The following DOCK9 variants were observed in gnomAD, a reference collection of about 807,000 sequenced individuals.
DOCK9 encodes the protein dedicator of cytokinesis 9, also known as dedicator of cytokinesis protein 9.
Under a neutral mutation model 263.3 loss-of-function variants are expected in DOCK9, and 89 were observed. The observed-to-expected ratio is 0.34, with a 90% CI of 0.28 to 0.40. DOCK9 has a LOEUF of 0.40. DOCK9 is among the 10% of genes least tolerant of loss of function. The pLI is 1.00. For synonymous variants in DOCK9, 976 were observed against 973.1 expected (o/e 1.00, Z -0.06); for missense variants, 2,140 against 2,603.4 (o/e 0.82, Z 3.87).
intron 3 of DOCK9, among the ~76,000 whole-genome samples, chr13:98,928,802 C>T (rs1402109227): frequency 2.0e-5 from 3 of 152,184 alleles, no homozygotes; most frequent in African/African-American, 7.2e-5. Context: ...TAGTTTGCCA[C>T]TACCTGCCTT....
At chr13:99,001,589 G>A (rs1297742604) in intron 1 of DOCK9, among the ~76,000 whole-genome samples, 1 of 152,220 alleles carries the variant, frequency 6.6e-6, no homozygotes, top group Non-Finnish European at 1.5e-5. Flanking sequence ...TCACACTAAG[G>A]TAACTCTTGG....
At chr13:98,800,206 C>A (rs2089948001) in intron 50 of DOCK9, 82 bp downstream of exon 50, 2 of 1,413,124 alleles carry the variant, frequency 1.4e-6, no homozygotes, top group African/African-American at 2.9e-5. Context: ...CTCAAGTAGA[C>A]CTTGTTAGTG....
chr13:99,067,182 T>G (rs751092161), intron 1 of DOCK9, among the ~76,000 whole-genome samples: 2 of 152,176 alleles, frequency 1.3e-5, no homozygotes, highest in Admixed American at 1.3e-4. Context: ...CACTCCAGAT[T>G]CCATGCTCCT....
At chr13:98,989,344 A>G (rs1285003732) in intron 1 of DOCK9, among the ~76,000 whole-genome samples, 1 of 114,342 alleles carries the variant, frequency 8.7e-6, no homozygotes, top group Non-Finnish European at 1.9e-5. Context: ...GATGATGATG[A>G]TGATAATAAT....
At chr13:98,814,282 A>G (rs2091601220) in intron 45 of DOCK9, among the ~76,000 whole-genome samples, 1 of 152,246 alleles carries the variant, frequency 6.6e-6, no homozygotes. Flanking sequence ...TGCAGGTCTC[A>G]TAAATACAAA....
intron 2 of DOCK9, among the ~76,000 whole-genome samples, chr13:98,945,696 T>C (rs2056611995): frequency 1.3e-5 from 2 of 152,196 alleles, no homozygotes; most frequent in East Asian, 3.8e-4. Flanking sequence ...AAATCTTAAG[T>C]GGAAAGACCC....
chr13:99,046,911 T>C (rs2040459447), intron 1 of DOCK9, among the ~76,000 whole-genome samples: 1 of 152,236 alleles, frequency 6.6e-6, no homozygotes, highest in South Asian at 2.1e-4. Context: ...TAGGTTATGC[T>C]CCAAAGGAAA....
intron 1 of DOCK9, among the ~76,000 whole-genome samples, chr13:98,985,412 G>A (rs1323691779): frequency 1.3e-5 from 2 of 151,952 alleles, no homozygotes; most frequent in African/African-American, 4.8e-5. Flanking sequence ...CTACCCGCAG[G>A]TAGAAAGCTC....
intron 7 of DOCK9, among the ~76,000 whole-genome samples, chr13:98,917,937 G>A (rs796695275): frequency 2.0e-5 from 3 of 152,060 alleles, no homozygotes; most frequent in Non-Finnish European, 4.4e-5. Context: ...AGGTCACCCC[G>A]GCATTCCCTA....
chr13:98,855,280 C>T (rs1462342794), intron 34 of DOCK9, among the ~76,000 whole-genome samples: 1 of 152,164 alleles, frequency 6.6e-6, no homozygotes, highest in Non-Finnish European at 1.5e-5. Flanking sequence ...GGTATAAAGA[C>T]TACAGGGAAT....
intron 1 of DOCK9, among the ~76,000 whole-genome samples, chr13:98,976,241 T>C (rs965500715): frequency 1.3e-5 from 2 of 152,330 alleles, no homozygotes; most frequent in Non-Finnish European, 2.9e-5. Context: ...CAAATGCAGC[T>C]GTAGCCAGCA....
chr13:98,809,298 TTTG>T (rs2091063420), intron 47 of DOCK9, 51 bp downstream of exon 47: 2 of 1,443,298 alleles, frequency 1.4e-6, no homozygotes, highest in Admixed American at 2.1e-5. Flanking sequence ...TGTTTTTGTT[TTTG>T]TTTTTTTTTA....
chr13:99,086,819 C>T, upstream of DOCK9, among the ~76,000 whole-genome samples: 1 of 149,994 alleles, frequency 6.7e-6, no homozygotes, highest in Non-Finnish European at 1.5e-5. Flanking sequence ...CTGGCAGGGG[C>T]GGCGTGCCGC....
intron 35 of DOCK9, among the ~76,000 whole-genome samples, chr13:98,851,720 C>G (rs2093577801): frequency 6.6e-6 from 1 of 152,188 alleles, no homozygotes; most frequent in South Asian, 2.1e-4. Flanking sequence ...TCTGTGTTAA[C>G]CATCTCTGGA....
intron 52 of DOCK9, among the ~76,000 whole-genome samples, chr13:98,795,257 T>C (rs1278136001): frequency 1.3e-5 from 2 of 152,210 alleles, no homozygotes; most frequent in Non-Finnish European, 2.9e-5. Context: ...ATTTGAAGCA[T>C]TTGTGTTTCT....
At chr13:98,830,484 T>G (rs1247382508) in intron 41 of DOCK9, among the ~76,000 whole-genome samples, 1 of 152,212 alleles carries the variant, frequency 6.6e-6, no homozygotes, top group Non-Finnish European at 1.5e-5. Context: ...ATGCAATGAT[T>G]TGGATATGCC....
At chr13:99,053,544 A>G (rs9517571) in intron 1 of DOCK9, among the ~76,000 whole-genome samples, 41,969 of 152,152 alleles carry the variant, frequency 0.28, 6,155 homozygotes, top group East Asian at 0.43. Context: ...TTGAACCAAG[A>G]AAGCCACCTG....
intron 1 of DOCK9, among the ~76,000 whole-genome samples, chr13:98,998,362 T>G (rs1172152326): frequency 1.3e-5 from 2 of 152,212 alleles, no homozygotes; most frequent in East Asian, 3.9e-4. Flanking sequence ...TAAGACTGAT[T>G]ATTTGTCTAG....
At chr13:98,884,104 T>C (rs746062531) in intron 21 of DOCK9, among the ~76,000 whole-genome samples, 14 of 152,254 alleles carry the variant, frequency 9.2e-5, no homozygotes, top group Admixed American at 2.6e-4. Context: ...CTTTTATTAC[T>C]GGATTTTCTA....
Sources: gnomAD v4.1 joint callset for allele counts (sites outside exome capture counted in the v4.1 genomes callset) on GRCh38, gnomAD v4.1.1 for gene constraint, MANE v1.5 for transcripts, NCBI Gene and HGNC (gene_info 2026-07-23, HGNC 2026-07-21) for gene names.